ATRNL1: variants seen among roughly 807,000 people sequenced by gnomAD.
The protein encoded by ATRNL1 is attractin-like protein 1.
A neutral mutation model predicts 182.7 loss-of-function variants in ATRNL1; 95 were observed. That is an observed-to-expected ratio of 0.52 (90% CI 0.44 to 0.62). The LOEUF is 0.62. ATRNL1 is among the 20% of genes least tolerant of loss of function. ATRNL1 has a pLI of 0.00. For missense variants in ATRNL1, 1,471 were observed against 1,679.5 expected, an observed-to-expected ratio of 0.88 and a Z score of 2.17; for synonymous variants, 576 against 568.3, an observed-to-expected ratio of 1.01 and a Z score of -0.19.
chr10:115,836,233 A>G (rs1441706859), intron 27 of ATRNL1, among the ~76,000 whole-genome samples: 3 of 152,144 alleles, frequency 2.0e-5, no homozygotes, highest in Admixed American at 6.6e-5. Flanking sequence ...AGTGCAAGTG[A>G]CTTGAATGGC....
intron 27 of ATRNL1, among the ~76,000 whole-genome samples, chr10:115,749,418 A>G (rs1452702416): frequency 2.6e-5 from 4 of 151,780 alleles, no homozygotes; most frequent in African/African-American, 9.7e-5. Flanking sequence ...CCTTGTGCTG[A>G]TATATAAACA....
intron 26 of ATRNL1, among the ~76,000 whole-genome samples, chr10:115,686,705 A>G (rs1234805965): frequency 1.3e-5 from 2 of 151,972 alleles, no homozygotes; most frequent in Non-Finnish European, 2.9e-5. Context: ...CATGTTTCAA[A>G]TGGGTCATTT....
chr10:115,107,231 A>G (rs1462627169), intron 1 of ATRNL1, among the ~76,000 whole-genome samples: 1 of 152,142 alleles, frequency 6.6e-6, no homozygotes, highest in African/African-American at 2.4e-5. Flanking sequence ...TCCTGGGGCA[A>G]ATTCCCTTCC....
At chr10:115,279,326 T>G (rs1852252016) in intron 13 of ATRNL1, among the ~76,000 whole-genome samples, 2 of 152,104 alleles carry the variant, frequency 1.3e-5, no homozygotes, top group Non-Finnish European at 2.9e-5. Flanking sequence ...TCTTAATAGG[T>G]GCTTCCATGA....
chr10:115,207,839 C>T (rs1358021074), intron 8 of ATRNL1, among the ~76,000 whole-genome samples: 1 of 151,874 alleles, frequency 6.6e-6, no homozygotes, highest in Non-Finnish European at 1.5e-5. Flanking sequence ...TTTCCCACTC[C>T]CCCATCCCGA....
chr10:115,558,843 TGAG>T (rs1554998124), intron 26 of ATRNL1, among the ~76,000 whole-genome samples: 1 of 152,168 alleles, frequency 6.6e-6, no homozygotes, highest in East Asian at 1.9e-4. Context: ...CTATAGCATT[TGAG>T]CCTCAACTTG....
At chr10:115,699,639 G>A (rs1946671068) in intron 26 of ATRNL1, among the ~76,000 whole-genome samples, 1 of 152,128 alleles carries the variant, frequency 6.6e-6, no homozygotes, top group African/African-American at 2.4e-5. Context: ...TTCACAGTCA[G>A]AGAACATTTA....
chr10:115,317,340 T>C (rs1372842050), intron 18 of ATRNL1, among the ~76,000 whole-genome samples: 2 of 152,240 alleles, frequency 1.3e-5, no homozygotes, highest in Non-Finnish European at 2.9e-5. Context: ...TCTCCAGCTT[T>C]GTTCTTTTTG....
At chr10:115,106,085 T>C (rs1310169632) in intron 1 of ATRNL1, among the ~76,000 whole-genome samples, 1 of 152,158 alleles carries the variant, frequency 6.6e-6, no homozygotes, top group Non-Finnish European at 1.5e-5. Flanking sequence ...AGGATGAGGC[T>C]GTACTCTGCA....
At chr10:115,919,823 G>C (rs1299801379) in intron 28 of ATRNL1, among the ~76,000 whole-genome samples, 2 of 152,054 alleles carry the variant, frequency 1.3e-5, no homozygotes, top group Non-Finnish European at 2.9e-5. Context: ...CATGGATACT[G>C]TCTTCTCACT....
intron 9 of ATRNL1, among the ~76,000 whole-genome samples, chr10:115,223,876 GTATTTAATATA>G (rs1849570500): frequency 4.5e-4 from 58 of 127,860 alleles, no homozygotes; most frequent in African/African-American, 1.5e-3. Flanking sequence ...TAACATATGT[GTATTTAATATA>G]TGTGTGTGTG....
chr10:115,146,705 A>G (rs563091599), intron 5 of ATRNL1, among the ~76,000 whole-genome samples: 41 of 152,208 alleles, frequency 2.7e-4, no homozygotes, highest in African/African-American at 9.6e-4. Flanking sequence ...CGTGTGAGTG[A>G]GAACTTAGGA....
intron 4 of ATRNL1, chr10:115,128,535 A>T (rs1219660353): frequency 2.3e-6 from 1 of 426,620 alleles, no homozygotes. Context: ...GAACAAATAT[A>T]TAGTAGAATA....
intron 19 of ATRNL1, among the ~76,000 whole-genome samples, chr10:115,377,565 G>T (rs1857745769): frequency 1.3e-5 from 2 of 152,004 alleles, no homozygotes; most frequent in Admixed American, 1.3e-4. Context: ...CTCCACTTTT[G>T]GGCGTTAGTT....
chr10:115,354,068 C>T (rs1228425935), intron 19 of ATRNL1, among the ~76,000 whole-genome samples: 1 of 152,134 alleles, frequency 6.6e-6, no homozygotes, highest in African/African-American at 2.4e-5. Context: ...GCTTGTGGGC[C>T]ACATGCAGCC....
chr10:115,873,722 T>C (rs1472553327), intron 28 of ATRNL1, among the ~76,000 whole-genome samples: 1 of 152,200 alleles, frequency 6.6e-6, no homozygotes, highest in Non-Finnish European at 1.5e-5. Flanking sequence ...TGATTTTCAG[T>C]CAAAACGGCA....
chr10:115,665,939 T>G (rs1404906787), intron 26 of ATRNL1, among the ~76,000 whole-genome samples: 1 of 152,180 alleles, frequency 6.6e-6, no homozygotes, highest in Admixed American at 6.6e-5. Context: ...GTTGTAACTT[T>G]GAGGCATCTT....
At chr10:115,422,977 T>G (rs1211100291) in intron 20 of ATRNL1, among the ~76,000 whole-genome samples, 1 of 152,152 alleles carries the variant, frequency 6.6e-6, no homozygotes, top group Non-Finnish European at 1.5e-5. Flanking sequence ...TGACACACAA[T>G]TTACCTATGT....
At chr10:115,910,971 C>T (rs1952658392) in intron 28 of ATRNL1, among the ~76,000 whole-genome samples, 1 of 152,098 alleles carries the variant, frequency 6.6e-6, no homozygotes, top group Non-Finnish European at 1.5e-5. Flanking sequence ...TTGGCAACAA[C>T]CCAGTGTAAA....
Sources: allele counts gnomAD v4.1 joint callset (sites outside exome capture counted in the v4.1 genomes callset), GRCh38; gene constraint gnomAD v4.1.1; transcripts MANE v1.5; gene names NCBI Gene and HGNC (gene_info 2026-07-23, HGNC 2026-07-21).